The following ZNF646 variants were observed in gnomAD, a reference collection of about 807,000 sequenced individuals.
ZNF646 encodes zinc finger protein 646.
Under a neutral mutation model 115.4 loss-of-function variants are expected in ZNF646, and 49 were observed. That is an observed-to-expected ratio of 0.42 (90% CI 0.34 to 0.54). The LOEUF is 0.54. Among genes scored for constraint, ZNF646 ranks in the 20% least tolerant of loss-of-function variants. The pLI is 0.04. For synonymous variants in ZNF646, 933 were observed against 939.0 expected (o/e 0.99, Z 0.12); for missense variants, 2,269 against 2,457.9 (o/e 0.92, Z 1.62).
intron 2 of ZNF646, 41 bp downstream of exon 2, chr16:31,081,742 G>T: frequency 6.6e-7 from 1 of 1,521,524 alleles, no homozygotes; most frequent in Non-Finnish European, 8.8e-7. Context: ...TGGGCACACA[G>T]TGGAGGGGGA....
chr16:31,080,516 G>A lies in ZNF646; in HGVS notation c.4192G>A (p.Gly1398Arg), dbSNP rs1567411195. 1 of 1,614,060 alleles carries A rather than the reference G, an allele frequency of 6.2e-7. No homozygotes were observed. The highest frequency in any genetic ancestry group is 1.7e-5 in the Admixed American group (1 of 60,030). ...AGAAAGGGAGCCAGCCAATGGCCAGGGAGGCCTGGATGGCACAGCGGCCAG... is the reference window on the plus strand; with the variant it reads ...AGAAAGGGAGCCAGCCAATGGCCAGAGAGGCCTGGATGGCACAGCGGCCAG... ...ETEREPANGQGGLDGTAASEA... is the reference protein window; with the variant it reads ...ETEREPANGQRGLDGTAASEA... Residue 1398 changes from glycine to arginine, a missense_variant, in exon 2 of 3, where the codon GGA becomes AGA. This residue lies in a region of ZNF646 where 1,062 missense variants were observed against 1,172.8 expected (regional missense o/e 0.91). Transcript: ENST00000300850.
At chr16:31,082,239 T>G in intron 2 of ZNF646, 1 of 178,014 alleles carries the variant, frequency 5.6e-6, no homozygotes, top group Non-Finnish European at 1.3e-5. Flanking sequence ...CTGTCCCTCT[T>G]TCCCTGCGCC....
Position 31,081,459 on chromosome 16 carries a change from T to G in ZNF646, c.5135T>G (p.Leu1712Arg). ...TACCCGTGCTCCCTCTGTCCCAAACTTCTCCCTAACCTGCTGTCTCTTAAG... is the reference window on the plus strand; with the variant it reads ...TACCCGTGCTCCCTCTGTCCCAAACGTCTCCCTAACCTGCTGTCTCTTAAG... ...GLYPCSLCPK[L>R]LPNLLSLKNH... Residue 1712 changes from leucine to arginine, a missense_variant, in exon 2 of 3, where the codon CTT becomes CGT. Around this residue, in one of 5 missense-constraint regions of ZNF646, gnomAD observed 1,062 missense variants for 1,172.8 expected, o/e 0.91. Transcript: ENST00000300850. 1 of 1,614,136 alleles carries G rather than the reference T, an allele frequency of 6.2e-7. No individual in the cohort carries two copies. Among genetic ancestry groups the G allele is most frequent in the Non-Finnish European group, 8.5e-7 (1 of 1,180,016 alleles).
At position 31,084,061 on chromosome 16, in the gene ZNF646, T is replaced by A. The variant is rs1415936394; in HGVS notation, c.*969T>A. 4 of 1,534,384 alleles carry A rather than the reference T, an allele frequency of 2.6e-6. No homozygotes were observed. The African/African-American group carries it at 5.5e-5, about 21-fold the overall frequency. ...GTGGGTTAGAACGGCACGTTCTCAC[T>A]GGAGAGAGAAGGGTCCTGGAGAGGC... On this transcript the variant is annotated 3_prime_UTR_variant, in exon 3 of 3. Coordinates refer to ENST00000300850, the MANE Select transcript of ZNF646 (RefSeq NM_014699.4).
rs770579035 is a variant in ZNF646 at position 31,084,153 on chromosome 16, G to A, written c.*1061G>A. 11 of 1,595,538 alleles carry A rather than the reference G, an allele frequency of 6.9e-6. No individual in the cohort carries two copies. The highest frequency in any genetic ancestry group is 2.3e-5 in the East Asian group (1 of 44,082). ...CCAGGCAGCTTCCAGGCTCAGCCTC[G>A]GGCTCTGGTTCCTCGGCGAAGTAGA... On this transcript the variant is annotated 3_prime_UTR_variant, in exon 3 of 3. Coordinates refer to ENST00000300850, the MANE Select transcript of ZNF646 (RefSeq NM_014699.4).
chr16:31,075,557 C>A (rs2143797114), intron 1 of ZNF646, among the ~76,000 whole-genome samples: 1 of 152,310 alleles, frequency 6.6e-6, no homozygotes. Flanking sequence ...CTCGGCCTCC[C>A]AAAGTGCTGG....
chr16:31,080,141 C>G lies in ZNF646; in HGVS notation c.3817C>G (p.Leu1273Val). The change falls in exon 2 of 3, where the codon CTG becomes GTG. Residue 1273 changes from leucine (L) to valine (V), a missense_variant. By Grantham distance (32) the Leu-to-Val change is conservative (BLOSUM62 1). This residue lies in a region of ZNF646 where 1,062 missense variants were observed against 1,172.8 expected (regional missense o/e 0.91). Transcript: ENST00000300850. ...GAAGGCCTTCCGCCTGCGGAAACAG[C>G]TGGCCAGCCACCAGCGGGTCCACAT... is the stretch of plus-strand genomic sequence containing the variant. ...CGKAFRLRKQ[L>V]ASHQRVHMER... 6.2e-7 allele frequency: 1 copy of G among 1,612,694 alleles called. No individual in the cohort carries two copies. Among genetic ancestry groups the G allele is most frequent in the South Asian group, 1.1e-5 (1 of 91,052 alleles).
rs765212636 is a variant in ZNF646, at chr16:31,077,896, C to T, written c.1572C>T (p.Ile524=). 1.1e-5 allele frequency: 18 copies of T among 1,613,562 alleles called. No individual in the cohort carries two copies. The highest frequency in any genetic ancestry group is 5.0e-5 in the Admixed American group (3 of 59,988). Residue 524 remains isoleucine (I), a synonymous_variant, in exon 2 of 3, where the codon ATC becomes ATT. Coordinates refer to ENST00000300850, the MANE Select transcript of ZNF646 (RefSeq NM_014699.4). The part of the protein sequence containing the change: ...HCKAARRSAD[I]GAEGAPSHLK... The stretch of plus-strand genomic sequence containing the variant: ...AGGCTGCTCGCCGAAGTGCAGACAT[C>T]GGGGCTGAGGGTGCCCCCAGCCACC...
rs1443139243 is a variant in ZNF646 at position 31,076,591 on chromosome 16, T to G, written c.267T>G (p.Ala89=). ...TCGKDFSNPM[A]LKSHMRTHAP... The stretch of plus-strand genomic sequence containing the variant: ...GCAAGGACTTCTCCAATCCCATGGC[T>G]CTCAAGAGCCATATGAGGACACATG... Residue 89 remains alanine (A), a synonymous_variant, in exon 2 of 3, where the codon GCT becomes GCG. Coordinates refer to ENST00000300850, the MANE Select transcript of ZNF646 (RefSeq NM_014699.4). 6.2e-7 allele frequency: 1 copy of G among 1,612,328 alleles called. No homozygotes were observed. Among genetic ancestry groups the G allele is most frequent in the South Asian group, 1.1e-5 (1 of 91,044 alleles).
chr16:31,083,747 G>C lies in ZNF646; in HGVS notation c.*655G>C. On this transcript the variant is annotated 3_prime_UTR_variant, in exon 3 of 3. Coordinates refer to ENST00000300850, the MANE Select transcript of ZNF646 (RefSeq NM_014699.4). ...GAGGACAGGGGCAGTAATGCCATTTGCCTGCCTGCATTCTCTTGTCCTGAG... is the reference window on the plus strand; with the variant it reads ...GAGGACAGGGGCAGTAATGCCATTTCCCTGCCTGCATTCTCTTGTCCTGAG... The C allele has an allele frequency of 6.2e-7, 1 of 1,613,982 alleles. No individual in the cohort carries two copies. The highest frequency in any genetic ancestry group is 8.5e-7 in the Non-Finnish European group (1 of 1,179,972).
Position 31,076,772 on chromosome 16 carries a change from T to C in ZNF646, c.448T>C (p.Cys150Arg). ...AAAACATACAGAAGAGACACCTGAC[T>C]GTGAATCTGTACCTGACCCCAGGGC... is the stretch of plus-strand genomic sequence containing the variant. ...QTKHTEETPD[C>R]ESVPDPRAAS... The change falls in exon 2 of 3, where the codon TGT becomes CGT. Residue 150 changes from cysteine (C) to arginine (R), a missense_variant. Physicochemically the swap from Cys to Arg is radical, Grantham distance 180 (BLOSUM62 -3). This residue lies in a region of ZNF646 where 334 missense variants were observed against 323.5 expected (regional missense o/e 1.03). Coordinates refer to ENST00000300850, the MANE Select transcript of ZNF646 (RefSeq NM_014699.4). The C allele has an allele frequency of 1.2e-6, 2 of 1,613,908 alleles. No individual in the cohort carries two copies. The highest frequency in any genetic ancestry group is 8.5e-7 in the Non-Finnish European group (1 of 1,180,030).
At position 31,079,075 on chromosome 16, in the gene ZNF646, G is replaced by T; in HGVS notation, c.2751G>T (p.Gly917=). The change falls in exon 2 of 3, where the codon GGG becomes GGT. Residue 917 remains glycine (G), a synonymous_variant. Transcript: ENST00000300850. This position sits in a 1 kb window ranked among gnomAD's most constrained non-coding sequence, Gnocchi z 5.5. ...SGMTEGSEEE[G]EEEGVAEAAP... is the part of the protein sequence containing the mutation. Reference sequence around the variant, plus strand: ...TGACTGAGGGCTCAGAGGAGGAGGGGGAAGAGGAAGGAGTGGCAGAGGCAG... The same window carrying T: ...TGACTGAGGGCTCAGAGGAGGAGGGTGAAGAGGAAGGAGTGGCAGAGGCAG... 1.3e-6 allele frequency: 2 copies of T among 1,575,092 alleles called. No homozygotes were observed. The highest frequency in any genetic ancestry group is 2.3e-5 in the East Asian group (1 of 44,374).
upstream of ZNF646, chr16:31,074,391 C>G (rs1322514919): frequency 1.3e-5 from 2 of 152,278 alleles, no homozygotes; most frequent in East Asian, 3.8e-4. Flanking sequence ...CGCGGGGAAG[C>G]TTTTGCACCT....
At chr16:31,075,736 T>A (rs1468656943) in intron 1 of ZNF646, among the ~76,000 whole-genome samples, 3 of 152,212 alleles carry the variant, frequency 2.0e-5, no homozygotes, top group Non-Finnish European at 4.4e-5. Context: ...TCTCAGGTCC[T>A]CAGCTATTAA....
chr16:31,079,228 T>C lies in ZNF646; in HGVS notation c.2904T>C (p.Asp968=). ...HICGCCGQTY[D]DLGSLERHHQ... is the part of the protein sequence containing the mutation. ...GTGGCTGCTGTGGTCAGACCTACGA[T>C]GACCTGGGGAGCCTGGAGCGTCACC... is the stretch of plus-strand genomic sequence containing the variant. Residue 968 remains aspartate, a synonymous_variant, in exon 2 of 3, where the codon GAT becomes GAC. Coordinates refer to ENST00000300850, the MANE Select transcript of ZNF646 (RefSeq NM_014699.4). The surrounding 1 kb of genome is among the most constrained non-coding windows in gnomAD (Gnocchi z 5.5). 6.2e-7 allele frequency: 1 copy of C among 1,613,640 alleles called. No homozygotes were observed. Among genetic ancestry groups the C allele is most frequent in the Non-Finnish European group, 8.5e-7 (1 of 1,180,004 alleles).
rs865833904 is a variant in ZNF646, at chr16:31,077,514, A to G, written c.1190A>G (p.Gln397Arg). The change falls in exon 2 of 3, where the codon CAG becomes CGG. Residue 397 changes from glutamine to arginine, a missense_variant. Around this residue, in one of 5 missense-constraint regions of ZNF646, gnomAD observed 852 missense variants for 900.2 expected, o/e 0.95. Coordinates refer to ENST00000300850, the MANE Select transcript of ZNF646 (RefSeq NM_014699.4). ...CTCATCAACCATCGAAAGAGCCACC[A>G]GACAGGTGTCTACCCCTGCTCACTC... Reference protein sequence around the residue: ...GSLINHRKSHQTGVYPCSLCS... With the variant: ...GSLINHRKSHRTGVYPCSLCS... 1 of 1,613,572 alleles carries G rather than the reference A, an allele frequency of 6.2e-7. No homozygotes were observed. Among genetic ancestry groups the G allele is most frequent in the East Asian group, 2.2e-5 (1 of 44,882 alleles).
upstream of ZNF646, chr16:31,074,173 T>G (rs1421559246): frequency 6.6e-6 from 1 of 152,240 alleles, no homozygotes; most frequent in Non-Finnish European, 1.5e-5. Flanking sequence ...TAGAATCTTT[T>G]TCTCCCTTTC....
rs954542842 is a variant in ZNF646, at chr16:31,081,714, A to G, written c.5377+13A>G. On this transcript the variant is annotated intron_variant, in intron 2 of 2. Coordinates refer to ENST00000300850, the MANE Select transcript of ZNF646 (RefSeq NM_014699.4). ...GTGGCCGGCTCCGGTAGGGGGCATGAAGGGTCCCAGGAGGAGGTGGGCACA... is the reference window on the plus strand; with the variant it reads ...GTGGCCGGCTCCGGTAGGGGGCATGGAGGGTCCCAGGAGGAGGTGGGCACA... 1.3e-6 allele frequency: 2 copies of G among 1,566,638 alleles called. No homozygotes were observed. The highest frequency in any genetic ancestry group is 1.3e-5 in the African/African-American group (1 of 74,210).
At position 31,083,264 on chromosome 16, in the gene ZNF646, G is replaced by C. The variant is rs983972974; in HGVS notation, c.*172G>C. 5 of 1,100,546 alleles carry C rather than the reference G, an allele frequency of 4.5e-6. No homozygotes were observed. The highest frequency in any genetic ancestry group is 1.6e-5 in the African/African-American group (1 of 60,988). The allele number at this position is 1,100,546 out of a possible 1,614,324, so 68.2% of individuals were successfully genotyped here. ...AAGGAGGGGGTGGGGTGTTCCTCGC[G>C]TCCCTGTCCTTGAAGGACCTCCTTC... On this transcript the variant is annotated 3_prime_UTR_variant, in exon 3 of 3. Coordinates refer to ENST00000300850, the MANE Select transcript of ZNF646 (RefSeq NM_014699.4).
Sources: allele counts gnomAD v4.1 joint callset (sites outside exome capture counted in the v4.1 genomes callset), GRCh38; gene constraint gnomAD v4.1.1; regional missense constraint gnomAD v4.1.1; non-coding constraint Gnocchi (gnomAD v3.1); transcripts MANE v1.5; gene names NCBI Gene and HGNC (gene_info 2026-07-23, HGNC 2026-07-21).